The following TRABD2B variants were observed in gnomAD, a reference collection of about 807,000 sequenced individuals.
The protein encoded by TRABD2B is TraB domain containing 2B, also known as metalloprotease TIKI2.
Under a neutral mutation model 40.1 loss-of-function variants are expected in TRABD2B, and 14 were observed. The ratio of observed to expected loss-of-function variants is 0.35; its 90% CI spans 0.23 to 0.55. The LOEUF is 0.55. Ranked by LOEUF, TRABD2B falls within the 20% of genes least tolerant of loss-of-function variation. The probability of loss-of-function intolerance (pLI) is 0.90; values close to 1 mark genes in which losing one functional copy is unlikely to be tolerated. For synonymous variants in TRABD2B, 263 were observed against 277.0 expected, an observed-to-expected ratio of 0.95 and a Z score of 0.50; for missense variants, 541 against 648.6, an observed-to-expected ratio of 0.83 and a Z score of 1.80.
chr1:47,957,121 C>CCAA (rs1466840698), intron 2 of TRABD2B, among the ~76,000 whole-genome samples: 7 of 152,194 alleles, frequency 4.6e-5, no homozygotes, highest in African/African-American at 1.4e-4. Context: ...CCAGCAAACT[C>CCAA]CAACAGACCT....
intron 2 of TRABD2B, among the ~76,000 whole-genome samples, chr1:47,857,690 A>C (rs1643907641): frequency 6.6e-6 from 1 of 151,964 alleles, no homozygotes; most frequent in South Asian, 2.1e-4. Flanking sequence ...AAGAATAATG[A>C]AAGAGTGAGG....
At chr1:47,865,577 G>A (rs187002897) in intron 2 of TRABD2B, among the ~76,000 whole-genome samples, 2 of 152,232 alleles carry the variant, frequency 1.3e-5, no homozygotes, top group Admixed American at 1.3e-4. Flanking sequence ...CAGGGTTCAG[G>A]AAATATGGTT....
intron 2 of TRABD2B, among the ~76,000 whole-genome samples, chr1:47,895,713 C>G (rs1225790317): frequency 6.6e-6 from 1 of 152,216 alleles, no homozygotes; most frequent in Non-Finnish European, 1.5e-5. Context: ...GATTAAAAGT[C>G]TCCTGGAATG....
chr1:47,895,275 A>T (rs1644502007), intron 2 of TRABD2B, among the ~76,000 whole-genome samples: 1 of 152,086 alleles, frequency 6.6e-6, no homozygotes. Flanking sequence ...CAGGAAGCCC[A>T]GCCCAACACC....
chr1:47,804,590 G>A (rs1322168450), intron 2 of TRABD2B, among the ~76,000 whole-genome samples: 1 of 152,198 alleles, frequency 6.6e-6, no homozygotes, highest in African/African-American at 2.4e-5. Context: ...GACCTTGCTC[G>A]ACTCACAGAG....
At position 47,783,849 on chromosome 1, in the gene TRABD2B, A is replaced by G. The variant is rs149034941; in HGVS notation, c.989-5305T>C. 2.0e-5 allele frequency among the ~76,000 whole-genome samples: 3 copies of G among 152,320 alleles called. No homozygotes were observed. The East Asian group carries it at 5.8e-4, about 29-fold the overall frequency. On this transcript the variant is annotated intron_variant, in intron 4 of 6. Transcript: ENST00000606738. The stretch of plus-strand genomic sequence containing the variant: ...ATCCTCTGACATGGGAAGGCAGGGT[A>G]GAGCGAGTGCTGTCCTAGGGTTAGG...
At chr1:47,794,464 G>C in intron 4 of TRABD2B, 122 bp downstream of exon 4, 1 of 1,119,022 alleles carries the variant, frequency 8.9e-7, no homozygotes, top group Non-Finnish European at 1.2e-6. Context: ...GCTAAGCACT[G>C]TGTGGCTTTT....
intron 6 of TRABD2B, among the ~76,000 whole-genome samples, chr1:47,768,630 T>C (rs1452280326): frequency 1.3e-5 from 2 of 152,212 alleles, no homozygotes; most frequent in African/African-American, 4.8e-5. Context: ...CATTGACCTC[T>C]CTGTGTTGTA....
At chr1:47,982,817 C>A (rs577040693) in intron 2 of TRABD2B, among the ~76,000 whole-genome samples, 5 of 152,272 alleles carry the variant, frequency 3.3e-5, no homozygotes, top group Admixed American at 3.3e-4. Context: ...CACCTCATCT[C>A]CAGGGGCCCA....
chr1:47,869,522 A>T (rs1027115515), intron 2 of TRABD2B, among the ~76,000 whole-genome samples: 5 of 152,196 alleles, frequency 3.3e-5, no homozygotes, highest in African/African-American at 1.2e-4. Flanking sequence ...CCTGTTTTCC[A>T]TTCTGGATAT....
intron 2 of TRABD2B, among the ~76,000 whole-genome samples, chr1:47,952,577 T>C (rs1645360975): frequency 6.6e-6 from 1 of 152,154 alleles, no homozygotes; most frequent in Non-Finnish European, 1.5e-5. Flanking sequence ...CAGGACTCCT[T>C]CCCTGACACT....
At chr1:47,919,514 C>T (rs1256003799) in intron 2 of TRABD2B, among the ~76,000 whole-genome samples, 1 of 152,224 alleles carries the variant, frequency 6.6e-6, no homozygotes, top group Non-Finnish European at 1.5e-5. Context: ...AAAAGCAGCT[C>T]CGCTGCTGGT....
At chr1:47,810,717 A>G (rs539947428) in intron 2 of TRABD2B, among the ~76,000 whole-genome samples, 2 of 152,328 alleles carry the variant, frequency 1.3e-5, no homozygotes, top group Admixed American at 6.5e-5. Context: ...ATAGTGAGGC[A>G]GCAGGGAGTA....
intron 2 of TRABD2B, among the ~76,000 whole-genome samples, chr1:47,909,795 C>CGT (rs1557651421): frequency 0.014 from 3 of 214 alleles, no homozygotes; most frequent in Non-Finnish European, 0.022. Flanking sequence ...CCCATCCCCC[C>CGT]CCCCCTTCCT....
At chr1:47,891,298 AAT>A (rs1355012904) in intron 2 of TRABD2B, among the ~76,000 whole-genome samples, 1 of 152,178 alleles carries the variant, frequency 6.6e-6, no homozygotes, top group East Asian at 1.9e-4. Flanking sequence ...GAAACACACA[AAT>A]ATACACGCCA....
chr1:47,952,242 C>T (rs1645355509), intron 2 of TRABD2B, among the ~76,000 whole-genome samples: 1 of 152,202 alleles, frequency 6.6e-6, no homozygotes, highest in South Asian at 2.1e-4. Context: ...AGCTCCTATC[C>T]TGCTTTCCTT....
chr1:47,828,684 C>G (rs1645209797), intron 2 of TRABD2B, among the ~76,000 whole-genome samples: 2 of 152,214 alleles, frequency 1.3e-5, no homozygotes, highest in Non-Finnish European at 2.9e-5. Context: ...TCCTCAGCCT[C>G]TCTCAGAAGC....
intron 2 of TRABD2B, among the ~76,000 whole-genome samples, chr1:47,817,205 TC>T (rs575912456): frequency 3.3e-5 from 5 of 151,170 alleles, no homozygotes; most frequent in African/African-American, 7.3e-5. Context: ...ATGTTTTCCA[TC>T]CCCCCCAACA....
intron 2 of TRABD2B, among the ~76,000 whole-genome samples, chr1:47,980,580 C>T (rs890205339): frequency 6.6e-6 from 1 of 152,202 alleles, no homozygotes; most frequent in Admixed American, 6.5e-5. Context: ...AACAGAGATT[C>T]CTCTAGGCTG....
Sources: gnomAD v4.1 joint callset for allele counts (sites outside exome capture counted in the v4.1 genomes callset) on GRCh38, gnomAD v4.1.1 for gene constraint, MANE v1.5 for transcripts, NCBI Gene and HGNC (gene_info 2026-07-23, HGNC 2026-07-21) for gene names.